Variants in IRAK1BP1 observed in about 807,000 individuals in gnomAD.
IRAK1BP1 encodes interleukin-1 receptor-associated kinase 1-binding protein 1.
A neutral mutation model predicts 28.0 loss-of-function variants in IRAK1BP1; 24 were observed. The ratio of observed to expected loss-of-function variants is 0.86; its 90% CI spans 0.62 to 1.20. The LOEUF is 1.20. Ranked by LOEUF, IRAK1BP1 falls within the 50% of genes most tolerant of loss-of-function variation. The pLI is 0.00. For synonymous variants in IRAK1BP1, 131 were observed against 116.3 expected (o/e 1.13, Z -0.81); for missense variants, 336 against 316.7 (o/e 1.06, Z -0.46).
intron 4 of IRAK1BP1, among the ~76,000 whole-genome samples, chr6:78,929,669 T>A (rs781200139): frequency 6.6e-6 from 1 of 152,210 alleles, no homozygotes; most frequent in Non-Finnish European, 1.5e-5. Flanking sequence ...ATGTACCCTC[T>A]GAATCTAAAA....
the IRAK1BP1 span, among the ~76,000 whole-genome samples, chr6:78,975,236 T>G: frequency 1.3e-5 from 2 of 152,026 alleles, no homozygotes. Context: ...AATCAATAAA[T>G]GTAATCCAGC....
intron 2 of IRAK1BP1, among the ~76,000 whole-genome samples, chr6:78,887,442 G>A (rs1771468620): frequency 6.6e-6 from 1 of 152,098 alleles, no homozygotes; most frequent in Admixed American, 6.5e-5. Flanking sequence ...GAGGTGGGCG[G>A]ATCACGAGGT....
At chr6:78,931,057 TTC>T (rs1167478739) in intron 4 of IRAK1BP1, among the ~76,000 whole-genome samples, 2 of 152,202 alleles carry the variant, frequency 1.3e-5, no homozygotes, top group Admixed American at 6.5e-5. Context: ...AAGCCACTGA[TTC>T]TGTTTTACCA....
chr6:78,961,923 G>T, the IRAK1BP1 span: 1 of 749,210 alleles, frequency 1.3e-6, no homozygotes, highest in Non-Finnish European at 2.1e-6. Context: ...TCATTAGTCT[G>T]CCACTGTCTT....
chr6:78,951,599 T>C, the IRAK1BP1 span, among the ~76,000 whole-genome samples: 1 of 152,232 alleles, frequency 6.6e-6, no homozygotes. Context: ...CATGGAGTAC[T>C]GCAAGAGGCA....
intron 4 of IRAK1BP1, among the ~76,000 whole-genome samples, chr6:78,912,355 CA>C (rs1260980323): frequency 6.6e-6 from 1 of 151,882 alleles, no homozygotes; most frequent in Admixed American, 6.6e-5. Context: ...TGTGTAGCAT[CA>C]AAAAAATTGC....
At position 78,898,352 on chromosome 6, in the gene IRAK1BP1, A is replaced by G. The variant is rs377616952; in HGVS notation, c.*18A>G. On this transcript the variant is annotated 3_prime_UTR_variant, in exon 4 of 4. Transcript: ENST00000369940. ...ACCTTTGAAATTCCAAACAAATTAT[A>G]TTGTACTTGTATCTTTTTACCTATT... The G allele has an allele frequency of 8.9e-6, 12 of 1,355,700 alleles. No individual in the cohort carries two copies. Among genetic ancestry groups the G allele is most frequent in the Non-Finnish European group, 1.2e-5 (12 of 998,102 alleles). 84.0% of individuals were successfully genotyped at this position (1,355,700 alleles called of 1,614,324 possible).
At chr6:78,976,706 GTGGGCGAAGGACAT>G in the IRAK1BP1 span, among the ~76,000 whole-genome samples, 1 of 148,102 alleles carries the variant, frequency 6.8e-6, no homozygotes, top group South Asian at 2.2e-4. Context: ...ACATCAAAAA[GTGGGCGAAGGACAT>G]GAACAGACAC....
intron 1 of IRAK1BP1, among the ~76,000 whole-genome samples, chr6:78,869,016 T>C (rs1054626240): frequency 2.6e-5 from 4 of 152,214 alleles, no homozygotes; most frequent in African/African-American, 9.6e-5. Flanking sequence ...AACATACAAG[T>C]TATTACAAAG....
intron 4 of IRAK1BP1, chr6:78,936,569 T>C (rs1773277987): frequency 6.6e-6 from 1 of 151,868 alleles, no homozygotes. Context: ...ATGCACTAAG[T>C]ATTTGGTCTG....
chr6:78,910,639 C>A (rs1319340771), intron 4 of IRAK1BP1, among the ~76,000 whole-genome samples: 1 of 152,250 alleles, frequency 6.6e-6, no homozygotes, highest in Non-Finnish European at 1.5e-5. Context: ...ATTCTCGGCG[C>A]GGAGGGCGGA....
chr6:78,871,797 C>A, intron 1 of IRAK1BP1: 3 of 355,052 alleles, frequency 8.4e-6, no homozygotes, highest in South Asian at 6.4e-5. Context: ...CTTCTTTATT[C>A]TCTTGACAGT....
intron 1 of IRAK1BP1, chr6:78,872,042 T>C: frequency 2.9e-6 from 2 of 680,950 alleles, no homozygotes; most frequent in South Asian, 3.2e-5. Context: ...CCAGCAGCCT[T>C]CATCTGAAGG....
chr6:78,974,395 A>G, the IRAK1BP1 span, among the ~76,000 whole-genome samples: 30 of 151,962 alleles, frequency 2.0e-4, no homozygotes, highest in Admixed American at 3.3e-4. Context: ...AGGGAAATTT[A>G]TAGCACTAAA....
rs571167928 is a variant in IRAK1BP1, at chr6:78,923,030, A to G, written c.*67+19920A>G. On this transcript the variant is annotated intron_variant and NMD_transcript_variant, in intron 4 of 4. Coordinates refer to the IRAK1BP1 transcript ENST00000606868. ...AATGCATCAACTAACGAGCAAAATA[A>G]CCAGCTAACATCATAATGACAGGAT... Among the ~76,000 whole-genome samples the G allele has an allele frequency of 1.2e-4, 18 of 152,276 alleles. No homozygotes were observed. In the East Asian group the frequency reaches 3.5e-3, roughly 29 times the overall value.
At chr6:78,958,785 A>T in the IRAK1BP1 span, among the ~76,000 whole-genome samples, 2 of 152,112 alleles carry the variant, frequency 1.3e-5, no homozygotes, top group African/African-American at 4.8e-5. Context: ...AAGAGGGGCA[A>T]CCATAACTAC....
At chr6:78,962,721 T>C in the IRAK1BP1 span, among the ~76,000 whole-genome samples, 51,404 of 151,898 alleles carry the variant, frequency 0.34, 8,855 homozygotes, top group Non-Finnish European at 0.35. Context: ...GTATATTAAG[T>C]TGGGGGAGAC....
rs536352218 is a variant in IRAK1BP1 at position 78,914,961 on chromosome 6, T to C, written c.*67+11851T>C. On this transcript the variant is annotated intron_variant and NMD_transcript_variant, in intron 4 of 4. Coordinates refer to the IRAK1BP1 transcript ENST00000606868. ...TCAGCCTCCCGAGTAGCTGGGATTA[T>C]AGGCACGTGCCACCATGCCCGGCTA... 6.4e-4 allele frequency among the ~76,000 whole-genome samples: 98 copies of C among 152,062 alleles called. 1 individual carries two copies. In the South Asian group the frequency reaches 8.1e-3, roughly 13 times the overall value.
chr6:78,902,877 A>T lies in IRAK1BP1; in HGVS notation c.*4543A>T, dbSNP rs569162726. 1.3e-4 allele frequency: 82 copies of T among 626,924 alleles called. No individual in the cohort carries two copies. In the East Asian group the frequency reaches 2.1e-3, roughly 16 times the overall value. 38.8% of individuals were successfully genotyped at this position (626,924 alleles called of 1,614,324 possible). ...TCACAGTGGGTAATTCAAATCAGAC[A>T]CTGCTCTTCAAGAGAGGTAATATTA... On this transcript the variant is annotated 3_prime_UTR_variant, in exon 4 of 4. Transcript: ENST00000369940.
Sources: allele counts gnomAD v4.1 joint callset (sites outside exome capture counted in the v4.1 genomes callset), GRCh38; gene constraint gnomAD v4.1.1; transcripts MANE v1.5; gene names NCBI Gene and HGNC (gene_info 2026-07-23, HGNC 2026-07-21).